KCNQ5: variants seen among roughly 807,000 people sequenced by gnomAD.
KCNQ5 encodes potassium voltage-gated channel subfamily Q member 5.
Under a neutral mutation model 98.2 loss-of-function variants are expected in KCNQ5, and 30 were observed. That is an observed-to-expected ratio of 0.31 (90% CI 0.23 to 0.41). The LOEUF (loss-of-function observed/expected upper bound fraction) is 0.41, where lower values mean the gene tolerates loss of function less well. Among genes scored for constraint, KCNQ5 ranks in the 10% least tolerant of loss-of-function variants. The probability of loss-of-function intolerance (pLI) is 1.00; values close to 1 mark genes in which losing one functional copy is unlikely to be tolerated. For synonymous variants in KCNQ5, 458 were observed against 449.4 expected, an observed-to-expected ratio of 1.02 and a Z score of -0.24; for missense variants, 835 against 1,182.5, an observed-to-expected ratio of 0.71 and a Z score of 4.31.
At chr6:72,777,374 T>G (rs1773211438) in intron 1 of KCNQ5, among the ~76,000 whole-genome samples, 1 of 152,026 alleles carries the variant, frequency 6.6e-6, no homozygotes, top group Non-Finnish European at 1.5e-5. Flanking sequence ...CAATAAATAT[T>G]TAAGAAAAAT....
At chr6:73,003,825 G>T (rs1769701803) in intron 1 of KCNQ5, 83 bp from the exon 2 acceptor site, 2 of 892,860 alleles carry the variant, frequency 2.2e-6, no homozygotes, top group Admixed American at 2.0e-5. Context: ...TGGGCCTGGT[G>T]CTTTATTCAT....
At chr6:73,162,388 C>A (rs974172260) in intron 10 of KCNQ5, among the ~76,000 whole-genome samples, 2 of 152,212 alleles carry the variant, frequency 1.3e-5, no homozygotes, top group African/African-American at 4.8e-5. Context: ...GGGGCTAGAT[C>A]TGCCAGGGAG....
At chr6:72,842,058 A>G (rs1270381926) in intron 1 of KCNQ5, among the ~76,000 whole-genome samples, 1 of 152,202 alleles carries the variant, frequency 6.6e-6, no homozygotes, top group Non-Finnish European at 1.5e-5. Context: ...ATATAATAGG[A>G]TTAGTAAATT....
chr6:73,068,502 G>T (rs1437393974), intron 3 of KCNQ5, among the ~76,000 whole-genome samples: 2 of 152,066 alleles, frequency 1.3e-5, no homozygotes, highest in East Asian at 3.8e-4. Context: ...TGTTAGTATT[G>T]TACTGAGATG....
At chr6:72,858,998 C>T (rs1028913865) in intron 1 of KCNQ5, among the ~76,000 whole-genome samples, 5 of 150,866 alleles carry the variant, frequency 3.3e-5, no homozygotes, top group African/African-American at 9.7e-5. Flanking sequence ...GCAATTTTTA[C>T]GAGTCTATAC....
intron 1 of KCNQ5, among the ~76,000 whole-genome samples, chr6:72,671,289 G>A (rs1239627754): frequency 6.6e-6 from 1 of 152,138 alleles, no homozygotes; most frequent in African/African-American, 2.4e-5. Context: ...GAAAGGAATA[G>A]GGATACTGAT....
chr6:72,970,309 A>G (rs1440585784), intron 1 of KCNQ5, among the ~76,000 whole-genome samples: 2 of 152,090 alleles, frequency 1.3e-5, no homozygotes, highest in African/African-American at 4.8e-5. Flanking sequence ...TAATTCAAAC[A>G]TGCTTATTAC....
intron 2 of KCNQ5, among the ~76,000 whole-genome samples, chr6:73,017,016 C>G (rs1339964491): frequency 6.6e-6 from 1 of 152,050 alleles, no homozygotes; most frequent in Non-Finnish European, 1.5e-5. Context: ...TCATATATTT[C>G]CCTGGGTTCT....
At chr6:72,637,141 A>G (rs1402318309) in intron 1 of KCNQ5, among the ~76,000 whole-genome samples, 3 of 152,260 alleles carry the variant, frequency 2.0e-5, no homozygotes, top group African/African-American at 7.2e-5. Flanking sequence ...ATTTGCTCCA[A>G]AGTATTTTAA....
Position 73,042,101 on chromosome 6 carries a change from A to G in KCNQ5, c.616+39A>G, listed in dbSNP as rs370447181. 299 of 1,610,630 alleles carry G rather than the reference A, an allele frequency of 1.9e-4. No homozygotes were observed. In the Middle Eastern group the frequency reaches 4.6e-3, roughly 25 times the overall value. ...TCTCAGATACCTGGACTATGACACCAACATTCTTGTCTTCTATCTCCTGTT... is the reference window on the plus strand; with the variant it reads ...TCTCAGATACCTGGACTATGACACCGACATTCTTGTCTTCTATCTCCTGTT... On this transcript the variant is annotated intron_variant, in intron 3 of 13. Coordinates refer to ENST00000370398, the MANE Select transcript of KCNQ5 (RefSeq NM_019842.4).
At chr6:72,645,583 C>T (rs775872006) in intron 1 of KCNQ5, among the ~76,000 whole-genome samples, 6 of 151,946 alleles carry the variant, frequency 3.9e-5, no homozygotes, top group Non-Finnish European at 7.4e-5. Flanking sequence ...GTTGAATTCC[C>T]GTTTTTAGTC....
intron 1 of KCNQ5, among the ~76,000 whole-genome samples, chr6:72,976,312 G>A (rs912674002): frequency 5.3e-5 from 8 of 152,124 alleles, no homozygotes; most frequent in African/African-American, 1.7e-4. Context: ...GACAAATGTT[G>A]TCAAACACCT....
intron 1 of KCNQ5, among the ~76,000 whole-genome samples, chr6:72,944,566 A>G (rs1034131448): frequency 2.0e-5 from 3 of 152,204 alleles, no homozygotes; most frequent in African/African-American, 7.2e-5. Flanking sequence ...TGAGCCTTTA[A>G]TCCTGGGAAA....
intron 1 of KCNQ5, among the ~76,000 whole-genome samples, chr6:72,722,924 A>T (rs1770051591): frequency 7.0e-6 from 1 of 142,808 alleles, no homozygotes; most frequent in Non-Finnish European, 1.5e-5. Flanking sequence ...ATCACAGCTC[A>T]CTGCATCCTT....
chr6:73,077,533 T>A, intron 4 of KCNQ5, 36 bp downstream of exon 4: 7 of 1,569,578 alleles, frequency 4.5e-6, no homozygotes, highest in Non-Finnish European at 6.0e-6. Flanking sequence ...AACACAATTT[T>A]TGAAACTTTT....
intron 1 of KCNQ5, among the ~76,000 whole-genome samples, chr6:72,718,077 C>T (rs1453367617): frequency 6.6e-6 from 1 of 152,124 alleles, no homozygotes; most frequent in Non-Finnish European, 1.5e-5. Context: ...ATGCCTCATG[C>T]ATGAGGTTTA....
Position 72,869,120 on chromosome 6 carries a change from A to G in KCNQ5, c.399-134788A>G, listed in dbSNP as rs576150657. ...CCCCACAAATATATACACATATTAT[A>G]TGTGCCCATAATAATTTTTAAAAAT... On this transcript the variant is annotated intron_variant, in intron 1 of 13. Coordinates refer to ENST00000370398, the MANE Select transcript of KCNQ5 (RefSeq NM_019842.4). 1.1e-3 allele frequency among the ~76,000 whole-genome samples: 164 copies of G among 152,336 alleles called. 2 individuals carry two copies. The highest frequency in any genetic ancestry group is 6.6e-3 in the South Asian group (32 of 4,830).
intron 1 of KCNQ5, among the ~76,000 whole-genome samples, chr6:72,751,506 A>G (rs1771682714): frequency 1.3e-5 from 2 of 152,116 alleles, no homozygotes; most frequent in African/African-American, 4.8e-5. Flanking sequence ...GTAAATATAC[A>G]CATTTACAAT....
chr6:73,125,451 G>A (rs755767139), intron 9 of KCNQ5: 13 of 518,242 alleles, frequency 2.5e-5, no homozygotes, highest in Non-Finnish European at 4.6e-5. Context: ...AAAGGAAGAA[G>A]AGATACATTT....
Sources: allele counts gnomAD v4.1 joint callset (sites outside exome capture counted in the v4.1 genomes callset), GRCh38; gene constraint gnomAD v4.1.1; transcripts MANE v1.5; gene names NCBI Gene and HGNC (gene_info 2026-07-23, HGNC 2026-07-21).